The following ESYT1 variants were observed in gnomAD, a reference collection of about 807,000 sequenced individuals.
ESYT1 encodes the protein extended synaptotagmin 1.
In ESYT1, 116 loss-of-function variants were observed where a neutral mutation model predicts 154.2. That is an observed-to-expected ratio of 0.75 (90% CI 0.65 to 0.88). The LOEUF (loss-of-function observed/expected upper bound fraction) is 0.88, where lower values mean the gene tolerates loss of function less well. ESYT1 is among the 40% of genes least tolerant of loss of function. ESYT1 has a pLI of 0.00. For synonymous variants in ESYT1, 500 were observed against 539.9 expected, an observed-to-expected ratio of 0.93 and a Z score of 1.02; for missense variants, 1,264 against 1,379.3, an observed-to-expected ratio of 0.92 and a Z score of 1.32.
In ESYT1 at chr12:56,133,449, C is replaced by T. The variant is rs1281660065; in HGVS notation, c.1277C>T (p.Ala426Val). ...MKLDVGKVLQ[A>V]SVLDDWFPLQ... The stretch of plus-strand genomic sequence containing the variant: ...CTGGATGTAGGGAAGGTGTTACAGG[C>T]TAGCGTTCTGGATGATGTAAGTTGG... The change falls in exon 11 of 31, where the codon GCT becomes GTT. Residue 426 changes from alanine (A) to valine (V), a missense_variant. Transcript: ENST00000394048. 6.2e-7 allele frequency: 1 copy of T among 1,614,180 alleles called. No homozygotes were observed. The highest frequency in any genetic ancestry group is 8.5e-7 in the Non-Finnish European group (1 of 1,180,038).
Position 56,132,758 on chromosome 12 carries a change from G to A in ESYT1, c.1201G>A (p.Glu401Lys). The A allele has an allele frequency of 1.9e-6, 3 of 1,614,144 alleles. No individual in the cohort carries two copies. The highest frequency in any genetic ancestry group is 2.5e-6 in the Non-Finnish European group (3 of 1,180,026). Residue 401 changes from glutamate (E) to lysine (K), a missense_variant, in exon 10 of 31, where the codon GAG (glutamate) becomes AAG (lysine). Physicochemically the swap from Glu to Lys is moderately conservative, Grantham distance 56. Transcript: ENST00000394048. The stretch of plus-strand genomic sequence containing the variant: ...GGTCCCAGGGCAGGAGATTGAAGTG[G>A]AGGTGTTCGACAAGGATCCAGATAA... ...HEVPGQEIEV[E>K]VFDKDPDKDD...
chr12:56,137,748 T>C, intron 18 of ESYT1, 73 bp downstream of exon 18: 5 of 1,611,044 alleles, frequency 3.1e-6, no homozygotes, highest in Non-Finnish European at 4.2e-6. Flanking sequence ...TCCAGAAACC[T>C]CTGAGGTTCA....
At position 56,134,091 on chromosome 12, in the gene ESYT1, T is replaced by C; in HGVS notation, c.1474-19T>C. 6.2e-7 allele frequency: 1 copy of C among 1,613,868 alleles called. No homozygotes were observed. ...CCGAATCCCCCAAGATGGTGACCTC[T>C]GAATTGTACCCACCACAGCTGAAGA... is the stretch of plus-strand genomic sequence containing the variant. On this transcript the variant is annotated intron_variant, in intron 13 of 30. Transcript: ENST00000394048.
chr12:56,133,820 C>A lies in ESYT1; in HGVS notation c.1420C>A (p.Pro474Thr), dbSNP rs758957237. The A allele has an allele frequency of 6.2e-7, 1 of 1,614,212 alleles. No homozygotes were observed. The highest frequency in any genetic ancestry group is 8.5e-7 in the Non-Finnish European group (1 of 1,180,028). ...WNWGVSSRPD[P>T]PSAAILVVYL... ...TTGGGGAGTCTCCTCTCGACCAGATCCCCCGTCAGCTGCCATCTTAGTTGT... is the reference window on the plus strand; with the variant it reads ...TTGGGGAGTCTCCTCTCGACCAGATACCCCGTCAGCTGCCATCTTAGTTGT... Residue 474 changes from proline to threonine, a missense_variant, in exon 13 of 31, where the codon CCC (proline) becomes ACC (threonine). By Grantham distance (38) the Pro-to-Thr change is conservative. Transcript: ENST00000394048.
chr12:56,130,585 A>G lies in ESYT1; in HGVS notation c.394A>G (p.Ser132Gly). The change falls in exon 2 of 31, where the codon AGC (serine) becomes GGC (glycine). Residue 132 changes from serine to glycine, a missense_variant. Ser to Gly is a moderately conservative substitution (Grantham distance 56). Transcript: ENST00000394048. The stretch of plus-strand genomic sequence containing the variant: ...TCTCTGCCTTCCCCACCTCCAGGTC[A>G]GCTTCCCAGACGTGGAAAAGGCTGA... ...MSHRELPAWV[S>G]FPDVEKAEWL... 2 of 1,613,930 alleles carry G rather than the reference A, an allele frequency of 1.2e-6. No individual in the cohort carries two copies. Among genetic ancestry groups the G allele is most frequent in the Non-Finnish European group, 1.7e-6 (2 of 1,180,038 alleles).
Position 56,142,234 on chromosome 12 carries a change from A to T in ESYT1, c.2593-51A>T. ...TTGGACCTTTAAAACACCAGGATTA[A>T]CTCATTTGTTGATGCATTCGCCTCT... is the stretch of plus-strand genomic sequence containing the variant. On this transcript the variant is annotated intron_variant, in intron 24 of 30. Transcript: ENST00000394048. This position sits in a 1 kb window ranked among gnomAD's most constrained non-coding sequence, Gnocchi z 4.1. 1.2e-6 allele frequency: 2 copies of T among 1,602,486 alleles called. No homozygotes were observed. Among genetic ancestry groups the T allele is most frequent in the Non-Finnish European group, 1.7e-6 (2 of 1,172,610 alleles).
chr12:56,131,540 G>T lies in ESYT1; in HGVS notation c.778G>T (p.Val260Leu). 1 of 1,614,132 alleles carries T rather than the reference G, an allele frequency of 6.2e-7. No individual in the cohort carries two copies. Among genetic ancestry groups the T allele is most frequent in the Non-Finnish European group, 8.5e-7 (1 of 1,180,026 alleles). ...TGGGGACCTTCCCTTCGTGGGGGCT[G>T]TGTCAATGTTCTTCATCCGACGCCC... ...LIGDLPFVGA[V>L]SMFFIRRPTL... Residue 260 changes from valine to leucine, a missense_variant, in exon 6 of 31, where the codon GTG becomes TTG. Coordinates refer to ENST00000394048, the MANE Select transcript of ESYT1 (RefSeq NM_015292.3).
Position 56,142,395 on chromosome 12 carries a change from G to T in ESYT1, c.2703G>T (p.Gln901His), listed in dbSNP as rs1231415486. ...GCTGGTTTACACTCAGCAGTGGTCA[G>T]GGGCAGGTGCTACTGAGAGCACAGC... is the stretch of plus-strand genomic sequence containing the variant. ...LDRWFTLSSGQGQVLLRAQLG... is the reference protein window; with the variant it reads ...LDRWFTLSSGHGQVLLRAQLG... Residue 901 changes from glutamine (Q) to histidine (H), a missense_variant, in exon 25 of 31, where the codon CAG (glutamine) becomes CAT (histidine). Coordinates refer to ENST00000394048, the MANE Select transcript of ESYT1 (RefSeq NM_015292.3). This position sits in a 1 kb window ranked among gnomAD's most constrained non-coding sequence, Gnocchi z 4.1. 6.2e-7 allele frequency: 1 copy of T among 1,613,994 alleles called. No homozygotes were observed. Among genetic ancestry groups the T allele is most frequent in the South Asian group, 1.1e-5 (1 of 91,044 alleles).
intron 1 of ESYT1, 134 bp downstream of exon 1, chr12:56,128,843 G>A: frequency 9.0e-7 from 1 of 1,110,670 alleles, no homozygotes; most frequent in Non-Finnish European, 1.3e-6. Context: ...CTCTCTCCCC[G>A]CTAGCCGCCT....
intron 15 of ESYT1, among the ~76,000 whole-genome samples, 173 bp downstream of exon 15, chr12:56,134,601 A>T (rs185336065): frequency 0.018 from 2,570 of 143,234 alleles, 70 homozygotes; most frequent in African/African-American, 0.06. Flanking sequence ...CCAGAATAAT[A>T]TTTTTTTTTT....
rs369273609 is a variant in ESYT1 at position 56,136,784 on chromosome 12, C to T, written c.1673C>T (p.Thr558Met). Reference sequence around the variant, plus strand: ...AGGGCCCTGACTTTAGGAGCACTGACGCTGCCTCTGGCCCGCCTGCTGACT... The same window carrying T: ...AGGGCCCTGACTTTAGGAGCACTGATGCTGCCTCTGGCCCGCCTGCTGACT... ...DSRALTLGAL[T>M]LPLARLLTAP... Residue 558 changes from threonine to methionine, a missense_variant, in exon 16 of 31, where the codon ACG (threonine) becomes ATG (methionine). Physicochemically the swap from Thr to Met is moderately conservative, Grantham distance 81 (BLOSUM62 -1). Transcript: ENST00000394048. 6.9e-5 allele frequency: 112 copies of T among 1,612,602 alleles called. 2 individuals are homozygous for T. The highest frequency in any genetic ancestry group is 1.8e-4 in the South Asian group (16 of 91,008).
chr12:56,139,866 G>A (rs1870621071), intron 24 of ESYT1, among the ~76,000 whole-genome samples: 1 of 151,588 alleles, frequency 6.6e-6, no homozygotes, highest in South Asian at 2.1e-4. Flanking sequence ...GGGATTATAG[G>A]TGTGAGCCAC....
chr12:56,137,643 G>C lies in ESYT1; in HGVS notation c.2083G>C (p.Asp695His), dbSNP rs1426632234. ...RSFRSHVVRE[D>H]LNPRWNEVFE... The stretch of plus-strand genomic sequence containing the variant: ...CTTCCGGAGCCATGTTGTTCGGGAA[G>C]ATCTCAATCCCCGCTGGAATGAGGT... Residue 695 changes from aspartate (D) to histidine (H), a missense_variant, in exon 18 of 31, where the codon GAT (aspartate) becomes CAT (histidine). Asp to His is a moderately conservative substitution (Grantham distance 81). Transcript: ENST00000394048. The C allele has an allele frequency of 6.2e-7, 1 of 1,614,176 alleles. No homozygotes were observed. Among genetic ancestry groups the C allele is most frequent in the Non-Finnish European group, 8.5e-7 (1 of 1,180,032 alleles).
At chr12:56,137,765 T>TG (rs1370244659) in intron 18 of ESYT1, 67 bp from the exon 19 acceptor site, 14 of 1,610,802 alleles carry the variant, frequency 8.7e-6, no homozygotes, top group East Asian at 4.5e-5. Flanking sequence ...TTCAGTTGAC[T>TG]GGGGGGTCCA....
In ESYT1 at chr12:56,128,503, T is replaced by C. The variant is rs1870094950; in HGVS notation, c.184T>C (p.Leu62=). Residue 62 remains leucine, a synonymous_variant, in exon 1 of 31, where the codon TTG becomes CTG. Coordinates refer to ENST00000394048, the MANE Select transcript of ESYT1 (RefSeq NM_015292.3). ...LAVLTSFGRR[L]LVLIPVYLAG... The stretch of plus-strand genomic sequence containing the variant: ...GGTGCTGACTTCATTCGGGAGGCGG[T>C]TGCTGGTGCTGATACCTGTGTATTT... 1 of 1,611,472 alleles carries C rather than the reference T, an allele frequency of 6.2e-7. No homozygotes were observed. The highest frequency in any genetic ancestry group is 1.3e-5 in the African/African-American group (1 of 75,016).
chr12:56,133,499 C>A, intron 11 of ESYT1, 34 bp downstream of exon 11: 2 of 1,614,052 alleles, frequency 1.2e-6, no homozygotes, highest in Non-Finnish European at 1.7e-6. Flanking sequence ...GGGGGCTGAT[C>A]TCACCCTTTG....
intron 12 of ESYT1, 40 bp downstream of exon 12, chr12:56,133,714 T>C (rs1336980259): frequency 2.4e-5 from 39 of 1,613,022 alleles, no homozygotes; most frequent in Non-Finnish European, 3.3e-5. Context: ...AGGGGAGAAA[T>C]AGGTAGCTGG....
At chr12:56,131,144 C>G (rs1174727985) in intron 4 of ESYT1, 31 bp downstream of exon 4, 1 of 1,613,646 alleles carries the variant, frequency 6.2e-7, no homozygotes, top group Non-Finnish European at 8.5e-7. Context: ...TACTGCTTCC[C>G]CTTCAATGTG....
In ESYT1 at chr12:56,142,295, A is replaced by G. The variant is rs754947938; in HGVS notation, c.2603A>G (p.Glu868Gly). Residue 868 changes from glutamate (E) to glycine (G), a missense_variant, in exon 25 of 31, where the codon GAG becomes GGG. Transcript: ENST00000394048. The surrounding 1 kb of genome is among the most constrained non-coding windows in gnomAD (Gnocchi z 4.1). ...TESLELQVRG[E>G]GTGVLGSLSL... is the part of the protein sequence containing the mutation. ...CCTGTTGCCCCACAGGTTCGGGGTGAGGGCACTGGCGTGCTGGGCTCATTA... is the reference window on the plus strand; with the variant it reads ...CCTGTTGCCCCACAGGTTCGGGGTGGGGGCACTGGCGTGCTGGGCTCATTA... 1 of 1,613,992 alleles carries G rather than the reference A, an allele frequency of 6.2e-7. No homozygotes were observed. Among genetic ancestry groups the G allele is most frequent in the South Asian group, 1.1e-5 (1 of 91,062 alleles).
Sources: gnomAD v4.1 joint callset for allele counts (sites outside exome capture counted in the v4.1 genomes callset) on GRCh38, gnomAD v4.1.1 for gene constraint, Gnocchi (gnomAD v3.1) non-coding constraint, MANE v1.5 for transcripts, NCBI Gene and HGNC (gene_info 2026-07-23, HGNC 2026-07-21) for gene names.